The following CERS6 variants were observed in gnomAD, a reference collection of about 807,000 sequenced individuals.
CERS6 encodes the protein LAG1 homolog, ceramide synthase 6.
Under a neutral mutation model 56.8 loss-of-function variants are expected in CERS6, and 26 were observed. The observed-to-expected ratio is 0.46, with a 90% CI of 0.34 to 0.63. CERS6 has a LOEUF of 0.63. Among genes scored for constraint, CERS6 ranks in the 30% least tolerant of loss-of-function variants. The pLI, the probability that CERS6 is intolerant of heterozygous loss-of-function variation, is 0.01. For missense variants in CERS6, 415 were observed against 467.5 expected (o/e 0.89, Z 1.04); for synonymous variants, 164 against 173.3 (o/e 0.95, Z 0.42).
chr2:168,572,714 A>G (rs1292130129), intron 3 of CERS6, among the ~76,000 whole-genome samples: 2 of 152,002 alleles, frequency 1.3e-5, no homozygotes, highest in South Asian at 2.1e-4. Flanking sequence ...CTTGCCACCC[A>G]TATTGCACTT....
chr2:168,631,241 ATTACTTT>A (rs1684710266), intron 4 of CERS6, among the ~76,000 whole-genome samples, 199 bp downstream of exon 4: 2 of 150,644 alleles, frequency 1.3e-5, no homozygotes. Flanking sequence ...TGGGTTATTT[ATTACTTT>A]TCAGGCATTA....
At chr2:168,626,799 G>GGA (rs1280795115) in intron 3 of CERS6, among the ~76,000 whole-genome samples, 1 of 152,076 alleles carries the variant, frequency 6.6e-6, no homozygotes, top group Non-Finnish European at 1.5e-5. Context: ...TTCCTTATAT[G>GGA]GAGTCTTTCT....
chr2:168,485,296 T>G (rs1044582971), intron 1 of CERS6, among the ~76,000 whole-genome samples: 3 of 152,092 alleles, frequency 2.0e-5, no homozygotes, highest in African/African-American at 4.8e-5. Flanking sequence ...TTTATTAACA[T>G]CTTTTATTAG....
At chr2:168,682,742 C>A (rs1368668389) in intron 4 of CERS6, among the ~76,000 whole-genome samples, 2 of 152,208 alleles carry the variant, frequency 1.3e-5, no homozygotes, top group Non-Finnish European at 2.9e-5. Flanking sequence ...GAGACAGTTA[C>A]AAGATCCATG....
chr2:168,637,419 T>C (rs879698547), intron 4 of CERS6, among the ~76,000 whole-genome samples: 4 of 151,996 alleles, frequency 2.6e-5, no homozygotes, highest in Non-Finnish European at 5.9e-5. Context: ...TAGGCGGAGG[T>C]TGCACTGAGC....
intron 9 of CERS6, among the ~76,000 whole-genome samples, chr2:168,766,708 GA>G (rs1684740424): frequency 6.6e-6 from 1 of 152,252 alleles, no homozygotes; most frequent in Non-Finnish European, 1.5e-5. Context: ...GAACTAGTTG[GA>G]GGGGGAGAGG....
chr2:168,752,206 A>G (rs1246151047), intron 8 of CERS6, among the ~76,000 whole-genome samples: 1 of 151,876 alleles, frequency 6.6e-6, no homozygotes, highest in Non-Finnish European at 1.5e-5. Flanking sequence ...TGGGAGGCTA[A>G]GGCAGTAGGA....
chr2:168,463,563 A>G (rs1693814619), intron 1 of CERS6, among the ~76,000 whole-genome samples: 1 of 152,216 alleles, frequency 6.6e-6, no homozygotes, highest in African/African-American at 2.4e-5. Context: ...TTGTCCAGAA[A>G]GATTATACCC....
intron 8 of CERS6, among the ~76,000 whole-genome samples, chr2:168,729,782 C>T (rs1457352659): frequency 1.3e-5 from 2 of 152,214 alleles, no homozygotes; most frequent in African/African-American, 4.8e-5. Context: ...TATCATTTAA[C>T]TTTTGATATC....
At chr2:168,620,016 CA>C (rs1342567426) in intron 3 of CERS6, among the ~76,000 whole-genome samples, 7 of 25,516 alleles carry the variant, frequency 2.7e-4, no homozygotes, top group Non-Finnish European at 4.1e-4. Flanking sequence ...ACAATCCATA[CA>C]CACACACACA....
chr2:168,743,746 G>A (rs943341252), intron 8 of CERS6, among the ~76,000 whole-genome samples: 81 of 152,242 alleles, frequency 5.3e-4, no homozygotes, highest in Admixed American at 1.4e-3. Context: ...CAACATGGAT[G>A]TTAAATGACC....
At chr2:168,575,576 C>T (rs1486449285) in intron 3 of CERS6, among the ~76,000 whole-genome samples, 1 of 152,052 alleles carries the variant, frequency 6.6e-6, no homozygotes, top group South Asian at 2.1e-4. Context: ...TGGGTGGGGA[C>T]ACAGAGCCAA....
At chr2:168,708,251 G>A (rs1355762633) in intron 6 of CERS6, among the ~76,000 whole-genome samples, 3 of 152,106 alleles carry the variant, frequency 2.0e-5, no homozygotes, top group African/African-American at 4.8e-5. Context: ...TGGAGACTGA[G>A]TAGCTACTCT....
At chr2:168,484,332 C>T (rs1694236735) in intron 1 of CERS6, among the ~76,000 whole-genome samples, 1 of 151,734 alleles carries the variant, frequency 6.6e-6, no homozygotes, top group Non-Finnish European at 1.5e-5. Flanking sequence ...TAGGCATTCA[C>T]CTCCATGCCC....
At chr2:168,637,481 TA>T (rs202033335) in intron 4 of CERS6, among the ~76,000 whole-genome samples, 19 of 150,842 alleles carry the variant, frequency 1.3e-4, no homozygotes, top group African/African-American at 3.2e-4. Flanking sequence ...AGACGCCGTC[TA>T]AAAAAAAAGA....
intron 1 of CERS6, among the ~76,000 whole-genome samples, chr2:168,506,739 A>G (rs1274835856): frequency 6.6e-6 from 1 of 152,172 alleles, no homozygotes; most frequent in African/African-American, 2.4e-5. Context: ...AGTAACTTTC[A>G]CAAGCAGTAA....
At chr2:168,641,511 A>G (rs1229584312) in intron 4 of CERS6, among the ~76,000 whole-genome samples, 1 of 152,160 alleles carries the variant, frequency 6.6e-6, no homozygotes, top group Non-Finnish European at 1.5e-5. Flanking sequence ...CTAATGTAGC[A>G]TCACGTACAT....
intron 7 of CERS6, among the ~76,000 whole-genome samples, chr2:168,717,589 T>C (rs1372937648): frequency 6.6e-6 from 1 of 152,206 alleles, no homozygotes; most frequent in Non-Finnish European, 1.5e-5. Flanking sequence ...TTTTCTGAAA[T>C]CAACCATACA....
At chr2:168,496,077 C>A (rs1298951643) in intron 1 of CERS6, among the ~76,000 whole-genome samples, 3 of 152,196 alleles carry the variant, frequency 2.0e-5, no homozygotes, top group South Asian at 4.1e-4. Flanking sequence ...GAACTGGGTT[C>A]TTTTCACTCT....
Sources: allele counts gnomAD v4.1 joint callset (sites outside exome capture counted in the v4.1 genomes callset), GRCh38; gene constraint gnomAD v4.1.1; transcripts MANE v1.5; gene names NCBI Gene and HGNC (gene_info 2026-07-23, HGNC 2026-07-21).